BLZF1: variants seen among roughly 807,000 people sequenced by gnomAD.
The protein encoded by BLZF1 is basic leucine zipper nuclear factor 1, also known as golgin-45.
BLZF1 carries 39 observed loss-of-function variants against 43.8 expected under a neutral mutation model. The ratio of observed to expected loss-of-function variants is 0.89; its 90% CI spans 0.69 to 1.16. The LOEUF (loss-of-function observed/expected upper bound fraction) is 1.16, where lower values mean the gene tolerates loss of function less well. Ranked by LOEUF, BLZF1 falls within the 50% of genes most tolerant of loss-of-function variation. The pLI is 0.00. For synonymous variants in BLZF1, 136 were observed against 159.4 expected (o/e 0.85, Z 1.11); for missense variants, 449 against 469.8 (o/e 0.96, Z 0.41).
At position 169,380,617 on chromosome 1, in the gene BLZF1, A is replaced by T. The variant is rs766152591; in HGVS notation, c.797+8A>T. Reference sequence around the variant, plus strand: ...AATGATAGCTACCCAGAAGTATGGCACTTGTTTACATTCTGAACTCTTCTG... The same window carrying T: ...AATGATAGCTACCCAGAAGTATGGCTCTTGTTTACATTCTGAACTCTTCTG... On this transcript the variant is annotated splice_region_variant and intron_variant, in intron 5 of 6. Transcript: ENST00000367808. 1.9e-6 allele frequency: 3 copies of T among 1,611,866 alleles called. No homozygotes were observed. The Admixed American group carries it at 5.0e-5, about 27-fold the overall frequency.
intron 6 of BLZF1, among the ~76,000 whole-genome samples, chr1:169,386,105 G>T (rs959851032): frequency 5.9e-5 from 9 of 152,040 alleles, no homozygotes; most frequent in African/African-American, 2.2e-4. Flanking sequence ...TTCCTGTTTT[G>T]GGTCTCAGTA....
At chr1:169,395,603 C>T (rs1211685665) in intron 7 of BLZF1, among the ~76,000 whole-genome samples, 1 of 152,108 alleles carries the variant, frequency 6.6e-6, no homozygotes, top group African/African-American at 2.4e-5. Context: ...GTTAAGAATA[C>T]TATCATGCAG....
intron 4 of BLZF1, among the ~76,000 whole-genome samples, chr1:169,379,687 A>T (rs962384215): frequency 3.3e-5 from 5 of 152,004 alleles, no homozygotes; most frequent in Admixed American, 6.6e-5. Context: ...TCAGACTTAA[A>T]TTTTAATTTT....
At chr1:169,382,446 G>A (rs544110336) in intron 6 of BLZF1, among the ~76,000 whole-genome samples, 165 bp downstream of exon 6, 1 of 152,140 alleles carries the variant, frequency 6.6e-6, no homozygotes, top group East Asian at 1.9e-4. Flanking sequence ...CCTCTTCTGC[G>A]CTTTAATATT....
At chr1:169,394,922 T>A in intron 7 of BLZF1, 1 of 878,934 alleles carries the variant, frequency 1.1e-6, no homozygotes, top group Non-Finnish European at 1.6e-6. Flanking sequence ...AAAAAACAAA[T>A]TCACTGTCAA....
chr1:169,391,113 C>T (rs1433977999), downstream of BLZF1, among the ~76,000 whole-genome samples: 4 of 152,116 alleles, frequency 2.6e-5, no homozygotes, highest in Non-Finnish European at 4.4e-5. Flanking sequence ...GAAGTGCACT[C>T]GGGCAAAACA....
At position 169,387,068 on chromosome 1, in the gene BLZF1, A is replaced by G; in HGVS notation, c.1089A>G (p.Pro363=). 1 of 1,613,576 alleles carries G rather than the reference A, an allele frequency of 6.2e-7. No individual in the cohort carries two copies. ...SPDNPFFESS[P]TTLLATKKNI... The stretch of plus-strand genomic sequence containing the variant: ...ATAATCCATTTTTTGAGTCTTCACC[A>G]ACCACCTTACTTGCTACAAAGAAAA... The change falls in exon 7 of 7, where the codon CCA becomes CCG. Residue 363 remains proline (P), a synonymous_variant. Coordinates refer to ENST00000367808, the MANE Select transcript of BLZF1 (RefSeq NM_001320973.2).
intron 3 of BLZF1, chr1:169,377,244 C>G: frequency 4.7e-6 from 2 of 427,044 alleles, no homozygotes; most frequent in Non-Finnish European, 8.2e-6. Flanking sequence ...AAGTAGGTTA[C>G]AATTATAAAC....
At chr1:169,392,710 G>C (rs1654844982), downstream of BLZF1, among the ~76,000 whole-genome samples, 1 of 152,180 alleles carries the variant, frequency 6.6e-6, no homozygotes, top group South Asian at 2.1e-4. Context: ...CAAGTAATTA[G>C]AGAGTAGACC....
At chr1:169,394,672 CTTGT>C (rs1024339245) in intron 7 of BLZF1, among the ~76,000 whole-genome samples, 5 of 152,156 alleles carry the variant, frequency 3.3e-5, no homozygotes, top group African/African-American at 9.7e-5. Flanking sequence ...TTGAACCAGG[CTTGT>C]TTAAGGAGTC....
Position 169,376,526 on chromosome 1 carries a change from T to C in BLZF1, c.29-14T>C. The C allele has an allele frequency of 6.4e-7, 1 of 1,569,174 alleles. No homozygotes were observed. On this transcript the variant is annotated splice_polypyrimidine_tract_variant and intron_variant, in intron 2 of 6. Transcript: ENST00000367808. ...TCTTGGTAAGTAGTTTCTGTTTTGT[T>C]TCCTTTTTGTTAGTCACCGTTACTT...
downstream of BLZF1, among the ~76,000 whole-genome samples, chr1:169,388,539 A>G (rs1557852075): frequency 6.6e-6 from 1 of 152,250 alleles, no homozygotes; most frequent in South Asian, 2.1e-4. Flanking sequence ...ATTTCATCAA[A>G]ATTTCAAATT....
At chr1:169,392,406 A>T (rs137902590), downstream of BLZF1, among the ~76,000 whole-genome samples, 542 of 152,336 alleles carry the variant, frequency 3.6e-3, 2 homozygotes, top group Non-Finnish European at 6.5e-3. Context: ...TAACATACAG[A>T]TCAATAGAAT....
intron 4 of BLZF1, among the ~76,000 whole-genome samples, chr1:169,379,243 C>G (rs999675045): frequency 2.6e-5 from 4 of 151,960 alleles, no homozygotes; most frequent in African/African-American, 7.2e-5. Flanking sequence ...GGAGATTTCT[C>G]ATAAAACAAC....
rs186737529 is a variant in BLZF1, at chr1:169,383,868, C to T, written c.1017+1587C>T. The stretch of plus-strand genomic sequence containing the variant: ...TTTCTAAGTTTTTGAGGGGGAGGGG[C>T]ATCCTCTTCCTGTGACCCCTCTTGA... On this transcript the variant is annotated intron_variant, in intron 6 of 6. Coordinates refer to ENST00000367808, the MANE Select transcript of BLZF1 (RefSeq NM_001320973.2). 9.1e-4 allele frequency among the ~76,000 whole-genome samples: 138 copies of T among 152,246 alleles called. 1 individual carries two copies. The highest frequency in any genetic ancestry group is 3.2e-3 in the African/African-American group (132 of 41,542).
chr1:169,375,408 A>G (rs1338823574), intron 2 of BLZF1, among the ~76,000 whole-genome samples: 1 of 85,634 alleles, frequency 1.2e-5, no homozygotes, highest in Non-Finnish European at 2.5e-5. Flanking sequence ...ATATATATAT[A>G]TATATATATA....
At chr1:169,385,987 AAC>A (rs1373893188) in intron 6 of BLZF1, among the ~76,000 whole-genome samples, 1 of 152,210 alleles carries the variant, frequency 6.6e-6, no homozygotes, top group Non-Finnish European at 1.5e-5. Flanking sequence ...CCATAACCCA[AAC>A]ACATCATGTG....
At chr1:169,368,707 G>C (rs1313726552) in intron 1 of BLZF1, among the ~76,000 whole-genome samples, 1 of 152,230 alleles carries the variant, frequency 6.6e-6, no homozygotes, top group African/African-American at 2.4e-5. Context: ...CGGAGCAGTA[G>C]AGTGTAAGTG....
chr1:169,386,678 CAAAAA>C (rs11420632), intron 6 of BLZF1, among the ~76,000 whole-genome samples: 1 of 107,622 alleles, frequency 9.3e-6, no homozygotes, highest in Non-Finnish European at 1.8e-5. Context: ...GACTCCATCT[CAAAAA>C]AAAAAAAAAA....
Sources: allele counts gnomAD v4.1 joint callset (sites outside exome capture counted in the v4.1 genomes callset), GRCh38; gene constraint gnomAD v4.1.1; transcripts MANE v1.5; gene names NCBI Gene and HGNC (gene_info 2026-07-23, HGNC 2026-07-21).